Variants in MAP3K3 observed in about 807,000 individuals in gnomAD.
MAP3K3 encodes the protein MAP/ERK kinase kinase 3.
Under a neutral mutation model 80.9 loss-of-function variants are expected in MAP3K3, and 12 were observed. That is an observed-to-expected ratio of 0.15 (90% CI 0.10 to 0.24). The LOEUF is 0.24. MAP3K3 is among the 10% of genes least tolerant of loss of function. The pLI, the probability that MAP3K3 is intolerant of heterozygous loss-of-function variation, is 1.00. For missense variants in MAP3K3, 596 were observed against 834.7 expected (o/e 0.71, Z 3.52); for synonymous variants, 272 against 307.1 (o/e 0.89, Z 1.19).
At chr17:63,643,427 C>T (rs963622023) in intron 2 of MAP3K3, among the ~76,000 whole-genome samples, 1 of 152,020 alleles carries the variant, frequency 6.6e-6, no homozygotes, top group African/African-American at 2.4e-5. Context: ...GAATCAATCA[C>T]CTGTGCCCGG....
rs1247787123 is a variant in MAP3K3 at position 63,689,537 on chromosome 17, C to T, written c.872-7C>T. The T allele has an allele frequency of 6.2e-7, 1 of 1,610,620 alleles. No individual in the cohort carries two copies. The highest frequency in any genetic ancestry group is 8.5e-7 in the Non-Finnish European group (1 of 1,178,228). Reference sequence around the variant, plus strand: ...CTTGCTCTCCTCTGGCCCTTGCACCCTTTCAGGCAGAAGAACATTTCCCCG... The same window carrying T: ...CTTGCTCTCCTCTGGCCCTTGCACCTTTTCAGGCAGAAGAACATTTCCCCG... On this transcript the variant is annotated splice_polypyrimidine_tract_variant and splice_region_variant and intron_variant, in intron 10 of 15. Coordinates refer to ENST00000361733, the MANE Select transcript of MAP3K3 (RefSeq NM_002401.5). The surrounding 1 kb of genome is among the most constrained non-coding windows in gnomAD (Gnocchi z 4.3).
intron 8 of MAP3K3, among the ~76,000 whole-genome samples, chr17:63,687,718 G>C (rs184740208): frequency 1.4e-3 from 216 of 151,060 alleles, no homozygotes; most frequent in African/African-American, 5.1e-3. Context: ...GGCTGGGCGC[G>C]GTGGCTCATG....
At chr17:63,673,161 ATTC>A in intron 6 of MAP3K3, among the ~76,000 whole-genome samples, 1 of 152,184 alleles carries the variant, frequency 6.6e-6, no homozygotes, top group East Asian at 1.9e-4. Context: ...TATATTTGAA[ATTC>A]TTCTTTATTT....
At chr17:63,628,784 T>C (rs2034158153) in intron 1 of MAP3K3, among the ~76,000 whole-genome samples, 1 of 152,244 alleles carries the variant, frequency 6.6e-6, no homozygotes, top group Non-Finnish European at 1.5e-5. Flanking sequence ...AAGTATTCAG[T>C]AAATTGTTGT....
chr17:63,689,021 C>T lies in MAP3K3; in HGVS notation c.871+140C>T. 3.1e-6 allele frequency: 2 copies of T among 644,678 alleles called. No homozygotes were observed. Among genetic ancestry groups the T allele is most frequent in the East Asian group, 2.7e-5 (1 of 37,450 alleles). 39.9% of individuals were successfully genotyped at this position (644,678 alleles called of 1,614,324 possible). On this transcript the variant is annotated intron_variant, in intron 10 of 15. Coordinates refer to ENST00000361733, the MANE Select transcript of MAP3K3 (RefSeq NM_002401.5). The surrounding 1 kb of genome is among the most constrained non-coding windows in gnomAD (Gnocchi z 4.3). ...TGGCCCAGACTTGAGGCATGGGAGA[C>T]AGGAAAAAAACAAAAACAAAAACAG...
At chr17:63,690,557 C>T in intron 12 of MAP3K3, 145 bp downstream of exon 12, 1 of 874,882 alleles carries the variant, frequency 1.1e-6, no homozygotes, top group Non-Finnish European at 1.7e-6. Flanking sequence ...CTGGTCCCAG[C>T]CACAGGGTGA....
Position 63,629,903 on chromosome 17 carries a change from G to A in MAP3K3, c.5-2778G>A, listed in dbSNP as rs191370298. 4.6e-3 allele frequency among the ~76,000 whole-genome samples: 705 copies of A among 152,300 alleles called. 1 individual carries two copies. The highest frequency in any genetic ancestry group is 8.4e-3 in the Non-Finnish European group (570 of 68,020). Reference sequence around the variant, plus strand: ...CTGATAAACCAGCTCTTATAATAGCGTCATCTTATACAGAATTAGAAATGA... The same window carrying A: ...CTGATAAACCAGCTCTTATAATAGCATCATCTTATACAGAATTAGAAATGA... On this transcript the variant is annotated intron_variant, in intron 1 of 15. Transcript: ENST00000361733.
Position 63,688,553 on chromosome 17 carries a change from C to A in MAP3K3, c.737C>A (p.Ser246Tyr), listed in dbSNP as rs1214307160. Residue 246 changes from serine to tyrosine, a missense_variant, in exon 9 of 16, where the codon TCC becomes TAC. By Grantham distance (144) the Ser-to-Tyr change is moderately radical. Coordinates refer to ENST00000361733, the MANE Select transcript of MAP3K3 (RefSeq NM_002401.5). ...DSPSFRKSRMSRAQSFPDNRQ... is the reference protein window; with the variant it reads ...DSPSFRKSRMYRAQSFPDNRQ... ...CCATCCTTCCGGAAATCACGAATGT[C>A]CCGTGCCCAGAGCTTCCCTGACAAC... 6.2e-7 allele frequency: 1 copy of A among 1,613,996 alleles called. No homozygotes were observed. The highest frequency in any genetic ancestry group is 2.2e-5 in the East Asian group (1 of 44,902).
rs183770777 is a variant in MAP3K3, at chr17:63,655,532, C to T, written c.268-2262C>T. On this transcript the variant is annotated intron_variant, in intron 4 of 15. Coordinates refer to ENST00000361733, the MANE Select transcript of MAP3K3 (RefSeq NM_002401.5). ...TTTGAGACAGGGTTTCACTTTGTTGCGCAGGCCAGAGTGCAGTGTGCAATC... is the reference window on the plus strand; with the variant it reads ...TTTGAGACAGGGTTTCACTTTGTTGTGCAGGCCAGAGTGCAGTGTGCAATC... 4.6e-5 allele frequency among the ~76,000 whole-genome samples: 7 copies of T among 152,214 alleles called. No homozygotes were observed. The East Asian group carries it at 7.7e-4, about 17-fold the overall frequency.
chr17:63,651,253 G>A (rs941747882), intron 3 of MAP3K3, among the ~76,000 whole-genome samples: 1 of 152,114 alleles, frequency 6.6e-6, no homozygotes, highest in African/African-American at 2.4e-5. Flanking sequence ...GAAGGCCGAC[G>A]TGGGAGGATT....
At chr17:63,631,254 C>T (rs527973889) in intron 1 of MAP3K3, among the ~76,000 whole-genome samples, 2 of 152,244 alleles carry the variant, frequency 1.3e-5, no homozygotes, top group South Asian at 2.1e-4. Flanking sequence ...CACCACTGCA[C>T]TCTAGCCTGG....
chr17:63,628,447 G>A (rs952063429), intron 1 of MAP3K3, among the ~76,000 whole-genome samples: 2 of 146,506 alleles, frequency 1.4e-5, no homozygotes, highest in African/African-American at 2.5e-5. Context: ...CGCAACCTCC[G>A]CCTCCCAGCT....
At chr17:63,645,678 A>G (rs1455268434) in intron 2 of MAP3K3, among the ~76,000 whole-genome samples, 1 of 152,244 alleles carries the variant, frequency 6.6e-6, no homozygotes, top group Admixed American at 6.5e-5. Context: ...CAGTCACATC[A>G]GCCAACAAGG....
At chr17:63,654,135 C>T (rs2143361737) in intron 4 of MAP3K3, among the ~76,000 whole-genome samples, 1 of 152,306 alleles carries the variant, frequency 6.6e-6, no homozygotes, top group Non-Finnish European at 1.5e-5. Context: ...TCCCAAAGTG[C>T]TGGGATTACA....
At chr17:63,661,462 C>G (rs1047124090) in intron 5 of MAP3K3, among the ~76,000 whole-genome samples, 7 of 152,222 alleles carry the variant, frequency 4.6e-5, no homozygotes, top group Non-Finnish European at 1.0e-4. Context: ...GGACCACCAA[C>G]TTTTAGCTTA....
At chr17:63,643,184 A>G (rs772547540) in intron 2 of MAP3K3, among the ~76,000 whole-genome samples, 5 of 152,202 alleles carry the variant, frequency 3.3e-5, no homozygotes, top group Non-Finnish European at 5.9e-5. Flanking sequence ...AAAAAGAAAT[A>G]TACCATACTA....
rs1290352112 is a variant in MAP3K3 at position 63,667,001 on chromosome 17, C to T, written c.443C>T (p.Ala148Val). The change falls in exon 6 of 16, where the codon GCA (alanine) becomes GTA (valine). Residue 148 changes from alanine to valine, a missense_variant. Around this residue, in one of 2 missense-constraint regions of MAP3K3, gnomAD observed 232 missense variants for 245.8 expected, o/e 0.94. Transcript: ENST00000361733. The part of the protein sequence containing the change: ...RQVRIKASQS[A>V]GDINTIYQPP... ...GTGCGGATCAAGGCTTCCCAGTCCG[C>T]AGGGGATATAAATACTATCTACCAG... 1 of 1,613,272 alleles carries T rather than the reference C, an allele frequency of 6.2e-7. No homozygotes were observed. Among genetic ancestry groups the T allele is most frequent in the Non-Finnish European group, 8.5e-7 (1 of 1,179,830 alleles).
chr17:63,690,511 C>A, intron 12 of MAP3K3, 99 bp downstream of exon 12: 1 of 1,303,402 alleles, frequency 7.7e-7, no homozygotes, highest in Non-Finnish European at 1.1e-6. Flanking sequence ...AGGTTGCTTC[C>A]TCTGTCATTC....
chr17:63,627,967 A>G (rs546408505), intron 1 of MAP3K3, among the ~76,000 whole-genome samples: 1 of 150,022 alleles, frequency 6.7e-6, no homozygotes, highest in South Asian at 2.1e-4. Context: ...ATGTGTTGGC[A>G]TAGTCTTGGC....
Sources: gnomAD v4.1 joint callset for allele counts (sites outside exome capture counted in the v4.1 genomes callset) on GRCh38, gnomAD v4.1.1 for gene constraint, gnomAD v4.1.1 regional missense constraint, Gnocchi (gnomAD v3.1) non-coding constraint, MANE v1.5 for transcripts, NCBI Gene and HGNC (gene_info 2026-07-23, HGNC 2026-07-21) for gene names.